Variants in CNTNAP5 observed in about 807,000 individuals in gnomAD.
The protein encoded by CNTNAP5 is contactin-associated protein-like 5.
CNTNAP5 carries 72 observed loss-of-function variants against 150.2 expected under a neutral mutation model. The ratio of observed to expected loss-of-function variants is 0.48; its 90% CI spans 0.40 to 0.58. The LOEUF is 0.58. CNTNAP5 is among the 20% of genes least tolerant of loss of function. The pLI, the probability that CNTNAP5 is intolerant of heterozygous loss-of-function variation, is 0.00. For synonymous variants in CNTNAP5, 672 were observed against 619.8 expected (o/e 1.08, Z -1.25); for missense variants, 1,636 against 1,626.2 (o/e 1.01, Z -0.10).
chr2:124,825,415 C>G (rs1239347827), intron 19 of CNTNAP5, among the ~76,000 whole-genome samples: 1 of 152,182 alleles, frequency 6.6e-6, no homozygotes, highest in African/African-American at 2.4e-5. Flanking sequence ...TAAACTGACT[C>G]TCCCTCAAGA....
chr2:124,883,596 A>G (rs1678013272), intron 21 of CNTNAP5, among the ~76,000 whole-genome samples: 1 of 152,090 alleles, frequency 6.6e-6, no homozygotes, highest in Non-Finnish European at 1.5e-5. Flanking sequence ...TTTTGTGTGT[A>G]TACATGTATA....
chr2:124,908,187 A>C (rs1217464162), intron 22 of CNTNAP5, among the ~76,000 whole-genome samples: 1 of 152,044 alleles, frequency 6.6e-6, no homozygotes, highest in Non-Finnish European at 1.5e-5. Flanking sequence ...CCTGACCAAC[A>C]TGGTGAAACC....
At chr2:124,132,427 T>TA (rs1683873256) in intron 1 of CNTNAP5, among the ~76,000 whole-genome samples, 2 of 152,286 alleles carry the variant, frequency 1.3e-5, no homozygotes, top group Non-Finnish European at 2.9e-5. Context: ...TCCTATAAAA[T>TA]ATGGTATTAT....
chr2:124,394,600 A>T (rs1691200116), intron 3 of CNTNAP5, among the ~76,000 whole-genome samples: 1 of 152,164 alleles, frequency 6.6e-6, no homozygotes, highest in South Asian at 2.1e-4. Flanking sequence ...ACACTCAATG[A>T]GGATTTGCTA....
At chr2:124,653,735 A>G (rs184463556) in intron 13 of CNTNAP5, among the ~76,000 whole-genome samples, 2 of 152,032 alleles carry the variant, frequency 1.3e-5, no homozygotes, top group Non-Finnish European at 2.9e-5. Flanking sequence ...TCTTCTCAAT[A>G]CTTGTACCAC....
At chr2:124,091,150 G>C (rs992066017) in intron 1 of CNTNAP5, among the ~76,000 whole-genome samples, 3 of 152,144 alleles carry the variant, frequency 2.0e-5, no homozygotes, top group Non-Finnish European at 2.9e-5. Flanking sequence ...AAGAGACACA[G>C]TGGGAAACAA....
chr2:124,560,564 T>C (rs1337970074), intron 10 of CNTNAP5, among the ~76,000 whole-genome samples: 1 of 152,054 alleles, frequency 6.6e-6, no homozygotes, highest in African/African-American at 2.4e-5. Flanking sequence ...TTTCTTTTTC[T>C]TTTTGTAATT....
intron 13 of CNTNAP5, among the ~76,000 whole-genome samples, chr2:124,696,279 C>T (rs1450929877): frequency 6.6e-6 from 1 of 152,156 alleles, no homozygotes; most frequent in Admixed American, 6.6e-5. Flanking sequence ...GTTAAAGAGG[C>T]AGGAAACAAT....
intron 17 of CNTNAP5, among the ~76,000 whole-genome samples, chr2:124,777,425 A>G (rs1681348742): frequency 6.6e-6 from 1 of 151,992 alleles, no homozygotes; most frequent in Non-Finnish European, 1.5e-5. Context: ...CCCAGGCTGG[A>G]GTGCAGTGGT....
chr2:124,773,509 A>G (rs959585288), intron 17 of CNTNAP5, among the ~76,000 whole-genome samples: 11 of 152,132 alleles, frequency 7.2e-5, no homozygotes, highest in African/African-American at 2.4e-4. Flanking sequence ...CCCTTTCTAA[A>G]TCAGGGGGCT....
intron 10 of CNTNAP5, among the ~76,000 whole-genome samples, chr2:124,556,027 A>G (rs1304814430): frequency 6.6e-6 from 1 of 152,196 alleles, no homozygotes; most frequent in South Asian, 2.1e-4. Context: ...ACAACTCCAC[A>G]TTGCATAACA....
chr2:124,285,710 G>A (rs1688133388), intron 3 of CNTNAP5, among the ~76,000 whole-genome samples: 1 of 152,126 alleles, frequency 6.6e-6, no homozygotes, highest in Non-Finnish European at 1.5e-5. Flanking sequence ...GGCTGAGGTG[G>A]GAGGATCACT....
chr2:124,727,349 C>T (rs906763233), intron 13 of CNTNAP5, among the ~76,000 whole-genome samples: 4 of 151,688 alleles, frequency 2.6e-5, no homozygotes, highest in Non-Finnish European at 5.9e-5. Context: ...ATCATTTTTT[C>T]CTTTTTTGTG....
rs188364832 is a variant in CNTNAP5, at chr2:124,139,081, A to G, written c.83-82624A>G. Among the ~76,000 whole-genome samples the G allele has an allele frequency of 1.5e-3, 224 of 151,934 alleles. 1 individual carries two copies. Among genetic ancestry groups the G allele is most frequent in the Middle Eastern group, 3.4e-3 (1 of 290 alleles). On this transcript the variant is annotated intron_variant, in intron 1 of 23. Coordinates refer to ENST00000682447, the MANE Select transcript of CNTNAP5 (RefSeq NM_001367498.1). ...AATCTTCTTTTCATCCTGGAAATGA[A>G]CCTGTGGGAATTATCCATTGTTTTA...
At chr2:124,459,370 C>T (rs1431508721) in intron 6 of CNTNAP5, among the ~76,000 whole-genome samples, 1 of 152,162 alleles carries the variant, frequency 6.6e-6, no homozygotes, top group South Asian at 2.1e-4. Flanking sequence ...CTCATCACCT[C>T]TCAGATTGTG....
intron 19 of CNTNAP5, among the ~76,000 whole-genome samples, chr2:124,822,366 A>C (rs1682509676): frequency 6.6e-6 from 1 of 152,140 alleles, no homozygotes; most frequent in Non-Finnish European, 1.5e-5. Context: ...TCTTGCCCTC[A>C]TTCTTTGAGA....
intron 1 of CNTNAP5, among the ~76,000 whole-genome samples, chr2:124,072,783 C>A (rs1298803982): frequency 1.3e-5 from 2 of 151,826 alleles, no homozygotes; most frequent in African/African-American, 4.8e-5. Context: ...TCCACATTAC[C>A]CAAAACAATC....
At chr2:124,745,138 C>A (rs1680578879) in intron 13 of CNTNAP5, among the ~76,000 whole-genome samples, 1 of 151,294 alleles carries the variant, frequency 6.6e-6, no homozygotes, top group Admixed American at 6.6e-5. Context: ...GTAAAAACAC[C>A]AAATAAGAAT....
Position 124,515,648 on chromosome 2 carries a change from G to A in CNTNAP5, c.1328-8655G>A, listed in dbSNP as rs555442363. 7.2e-5 allele frequency among the ~76,000 whole-genome samples: 11 copies of A among 152,258 alleles called. No individual in the cohort carries two copies. In the East Asian group the frequency reaches 1.2e-3, roughly 16 times the overall value. ...AGTTTAGGAAAGAATTTGCTGACAC[G>A]AAAACTTGGCCTTGGAAGATTGGGG... is the stretch of plus-strand genomic sequence containing the variant. On this transcript the variant is annotated intron_variant, in intron 8 of 23. Coordinates refer to ENST00000682447, the MANE Select transcript of CNTNAP5 (RefSeq NM_001367498.1).
Sources: allele counts gnomAD v4.1 joint callset (sites outside exome capture counted in the v4.1 genomes callset), GRCh38; gene constraint gnomAD v4.1.1; transcripts MANE v1.5; gene names NCBI Gene and HGNC (gene_info 2026-07-23, HGNC 2026-07-21).